The following PCDH9 variants were observed in gnomAD, a reference collection of about 807,000 sequenced individuals.
The protein encoded by PCDH9 is protocadherin-9.
Under a neutral mutation model 70.6 loss-of-function variants are expected in PCDH9, and 24 were observed. The ratio of observed to expected loss-of-function variants is 0.34; its 90% CI spans 0.25 to 0.48. The LOEUF is 0.48. Among genes scored for constraint, PCDH9 ranks in the 20% least tolerant of loss-of-function variants. PCDH9 has a pLI of 0.99. For synonymous variants in PCDH9, 562 were observed against 558.5 expected (o/e 1.01, Z -0.09); for missense variants, 1,281 against 1,503.6 (o/e 0.85, Z 2.45).
chr13:66,604,129 G>A (rs1166741319), intron 4 of PCDH9, among the ~76,000 whole-genome samples: 4 of 151,740 alleles, frequency 2.6e-5, no homozygotes, highest in South Asian at 2.1e-4. Flanking sequence ...CCATTCCTCC[G>A]CACTTGCAGA....
rs1375654865 is a variant in PCDH9 at position 67,226,759 on chromosome 13, G to A, written c.1682C>T (p.Thr561Ile). ...PLQSQAAVIVTVLDENDNSPK... is the reference protein window; with the variant it reads ...PLQSQAAVIVIVLDENDNSPK... The stretch of plus-strand genomic sequence containing the variant: ...GCTATTGTCATTCTCATCCAGAACA[G>A]TAACAATCACAGCCGCTTGGCTTTG... Residue 561 changes from threonine (T) to isoleucine (I), a missense_variant, in exon 2 of 5, where the codon ACT (threonine) becomes ATT (isoleucine). This residue lies in a region of PCDH9 where 798 missense variants were observed against 1,003.1 expected (regional missense o/e 0.80). Transcript: ENST00000377865. This position sits in a 1 kb window ranked among gnomAD's most constrained non-coding sequence, Gnocchi z 5.0. The A allele has an allele frequency of 6.2e-7, 1 of 1,614,134 alleles. No homozygotes were observed. Among genetic ancestry groups the A allele is most frequent in the African/African-American group, 1.3e-5 (1 of 75,036 alleles).
At chr13:66,530,673 G>C (rs1445341050) in intron 4 of PCDH9, among the ~76,000 whole-genome samples, 2 of 151,822 alleles carry the variant, frequency 1.3e-5, no homozygotes, top group Non-Finnish European at 2.9e-5. Context: ...ATAAACATAT[G>C]ATTAATATCA....
intron 2 of PCDH9, among the ~76,000 whole-genome samples, chr13:66,947,093 A>T (rs1489183415): frequency 6.6e-6 from 1 of 152,170 alleles, no homozygotes; most frequent in Non-Finnish European, 1.5e-5. Context: ...TGTCCTGCCA[A>T]CGAGCATCTC....
At chr13:66,334,072 T>C (rs368152534) in intron 4 of PCDH9, among the ~76,000 whole-genome samples, 2 of 152,172 alleles carry the variant, frequency 1.3e-5, no homozygotes, top group African/African-American at 4.8e-5. Flanking sequence ...TCTAGCTATT[T>C]TGAAATATGC....
chr13:66,760,885 G>T (rs2079616683), intron 3 of PCDH9, among the ~76,000 whole-genome samples: 2 of 152,076 alleles, frequency 1.3e-5, no homozygotes, highest in African/African-American at 4.8e-5. Flanking sequence ...ATATGCCCTG[G>T]TCTCCTTCAG....
chr13:66,371,004 G>A (rs1956641608), intron 4 of PCDH9, among the ~76,000 whole-genome samples: 1 of 152,104 alleles, frequency 6.6e-6, no homozygotes, highest in South Asian at 2.1e-4. Context: ...TAGAAAGTTA[G>A]AAATGATAAT....
chr13:67,062,908 G>A (rs1742076748), intron 2 of PCDH9, among the ~76,000 whole-genome samples: 1 of 152,110 alleles, frequency 6.6e-6, no homozygotes, highest in African/African-American at 2.4e-5. Context: ...ATGCATTAAA[G>A]CTTCCTAATC....
intron 2 of PCDH9, among the ~76,000 whole-genome samples, chr13:67,135,810 A>AT (rs1472694277): frequency 3.3e-5 from 5 of 152,038 alleles, no homozygotes; most frequent in African/African-American, 4.8e-5. Context: ...TTTCTTTCAG[A>AT]TTTTTTCTCT....
At chr13:67,095,164 G>A in intron 2 of PCDH9, among the ~76,000 whole-genome samples, 1 of 151,998 alleles carries the variant, frequency 6.6e-6, no homozygotes, top group Middle Eastern at 3.2e-3. Flanking sequence ...TCTTTGGATT[G>A]TGTGTTATTC....
At chr13:66,679,905 G>A (rs1366934220) in intron 3 of PCDH9, among the ~76,000 whole-genome samples, 1 of 151,902 alleles carries the variant, frequency 6.6e-6, no homozygotes, top group Non-Finnish European at 1.5e-5. Context: ...AATAAAGGCA[G>A]ATGATTCATG....
At chr13:66,736,496 C>T (rs981662540) in intron 3 of PCDH9, among the ~76,000 whole-genome samples, 2 of 152,170 alleles carry the variant, frequency 1.3e-5, no homozygotes, top group Admixed American at 6.5e-5. Context: ...GTCTCAAGAA[C>T]TGTTAGAAAA....
intron 3 of PCDH9, among the ~76,000 whole-genome samples, chr13:66,895,608 G>T (rs2139578218): frequency 6.6e-6 from 1 of 152,298 alleles, no homozygotes; most frequent in African/African-American, 2.4e-5. Flanking sequence ...TACATTAATT[G>T]AATAAGCAAA....
chr13:66,949,559 A>C (rs1243672003), intron 2 of PCDH9, among the ~76,000 whole-genome samples: 1 of 151,986 alleles, frequency 6.6e-6, no homozygotes, highest in African/African-American at 2.4e-5. Context: ...CTCCTAACTA[A>C]AAATATCTCT....
intron 3 of PCDH9, among the ~76,000 whole-genome samples, chr13:66,743,524 C>T (rs377443340): frequency 2.6e-4 from 39 of 151,608 alleles, no homozygotes; most frequent in Admixed American, 7.9e-4. Context: ...AGAGGTTAGT[C>T]AAAGGATACA....
At chr13:66,903,667 A>C (rs1373176579) in intron 2 of PCDH9, 62 bp from the exon 3 acceptor site, 1 of 715,046 alleles carries the variant, frequency 1.4e-6, no homozygotes, top group Non-Finnish European at 2.5e-6. Flanking sequence ...CCATTGAGAG[A>C]CATGGCTGTT....
In PCDH9 at chr13:66,902,484, A is replaced by AT. The variant is rs200013733; in HGVS notation, c.3138+1019dup. On this transcript the variant is annotated intron_variant, in intron 3 of 4. Coordinates refer to ENST00000377865, the MANE Select transcript of PCDH9 (RefSeq NM_203487.3). ...GATGGCAAAAGCAATAATTATTACA[A>AT]TTTTTTTTTTACTAATCATGATTAA... 4.0e-3 allele frequency among the ~76,000 whole-genome samples: 594 copies of AT among 149,440 alleles called. 2 individuals are homozygous for AT. Among genetic ancestry groups the AT allele is most frequent in the African/African-American group, 0.013 (517 of 40,926 alleles).
chr13:66,921,213 T>G (rs1475715119), intron 2 of PCDH9, among the ~76,000 whole-genome samples: 1 of 151,172 alleles, frequency 6.6e-6, no homozygotes, highest in African/African-American at 2.4e-5. Context: ...ACAAAAGACT[T>G]CAGATAATTG....
chr13:66,680,328 AAGAC>A (rs1213753496), intron 3 of PCDH9, among the ~76,000 whole-genome samples: 4 of 152,032 alleles, frequency 2.6e-5, no homozygotes, highest in African/African-American at 9.7e-5. Context: ...TCATTGAAGA[AAGAC>A]AGAGATTAAT....
intron 3 of PCDH9, among the ~76,000 whole-genome samples, chr13:66,717,140 C>T (rs558865318): frequency 2.6e-5 from 4 of 151,812 alleles, no homozygotes; most frequent in East Asian, 1.9e-4. Context: ...CAGTTTCTTA[C>T]ACCATATGGC....
Sources: allele counts gnomAD v4.1 joint callset (sites outside exome capture counted in the v4.1 genomes callset), GRCh38; gene constraint gnomAD v4.1.1; regional missense constraint gnomAD v4.1.1; non-coding constraint Gnocchi (gnomAD v3.1); transcripts MANE v1.5; gene names NCBI Gene and HGNC (gene_info 2026-07-23, HGNC 2026-07-21).